Variants in KCNMA1 observed in about 807,000 individuals in gnomAD.
KCNMA1 encodes the protein Calcium-activated potassium channel subunit alpha-1.
A neutral mutation model predicts 140.0 loss-of-function variants in KCNMA1; 29 were observed. The observed-to-expected ratio is 0.21, with a 90% CI of 0.15 to 0.28. The LOEUF is 0.28. KCNMA1 is among the 10% of genes least tolerant of loss of function. The pLI is 1.00. For missense variants in KCNMA1, 880 were observed against 1,602.2 expected (o/e 0.55, Z 7.70); for synonymous variants, 612 against 611.9 (o/e 1.00, Z 0.00).
intron 5 of KCNMA1, among the ~76,000 whole-genome samples, chr10:77,154,082 C>T (rs1045567098): frequency 1.3e-5 from 2 of 152,092 alleles, no homozygotes; most frequent in South Asian, 4.2e-4. Context: ...TTCCCTCATG[C>T]TTTTCTCGTG....
chr10:77,334,246 A>G (rs2087865132), intron 2 of KCNMA1, among the ~76,000 whole-genome samples: 1 of 152,188 alleles, frequency 6.6e-6, no homozygotes, highest in Non-Finnish European at 1.5e-5. Flanking sequence ...GTCCCTAGCA[A>G]GAGTTCACTG....
chr10:76,930,897 A>G (rs1271269397), intron 23 of KCNMA1, among the ~76,000 whole-genome samples: 1 of 152,220 alleles, frequency 6.6e-6, no homozygotes, highest in Non-Finnish European at 1.5e-5. Flanking sequence ...ATAGAAGGAC[A>G]AATACTGTAT....
At chr10:77,529,520 T>C (rs2057007969) in intron 1 of KCNMA1, among the ~76,000 whole-genome samples, 1 of 152,104 alleles carries the variant, frequency 6.6e-6, no homozygotes, top group Non-Finnish European at 1.5e-5. Flanking sequence ...ACCTCAGCTG[T>C]AAGCTTCTTC....
At chr10:77,251,289 G>C (rs1310176569) in intron 2 of KCNMA1, 33 bp from the exon 3 acceptor site, 1 of 1,566,998 alleles carries the variant, frequency 6.4e-7, no homozygotes, top group South Asian at 1.1e-5. Flanking sequence ...CATCACTTAA[G>C]AGTTGGACCT....
At chr10:76,991,192 C>G (rs981308021) in intron 19 of KCNMA1, among the ~76,000 whole-genome samples, 1 of 152,208 alleles carries the variant, frequency 6.6e-6, no homozygotes, top group Non-Finnish European at 1.5e-5. Context: ...GCTGCCCTGA[C>G]TCACACCAAA....
chr10:77,302,137 G>A (rs923402464), intron 2 of KCNMA1, among the ~76,000 whole-genome samples: 1 of 152,092 alleles, frequency 6.6e-6, no homozygotes, highest in Non-Finnish European at 1.5e-5. Context: ...AGGTCACAAA[G>A]ATAGTAAACA....
At chr10:76,958,134 T>G (rs1907740) in intron 20 of KCNMA1, among the ~76,000 whole-genome samples, 70,816 of 151,926 alleles carry the variant, frequency 0.47, 16,968 homozygotes, top group East Asian at 0.62. Flanking sequence ...CCAGAGGAAT[T>G]GGGCCGTTTG....
chr10:77,186,447 G>A (rs910901675), intron 3 of KCNMA1, among the ~76,000 whole-genome samples: 34 of 152,054 alleles, frequency 2.2e-4, no homozygotes, highest in African/African-American at 8.2e-4. Context: ...CATGGAATTT[G>A]GTTAGTCCAA....
intron 1 of KCNMA1, among the ~76,000 whole-genome samples, chr10:77,472,357 C>A (rs1396305553): frequency 6.8e-6 from 1 of 146,532 alleles, no homozygotes; most frequent in Admixed American, 6.9e-5. Flanking sequence ...CATACACACA[C>A]CACACACACA....
rs565613512 is a variant in KCNMA1, at chr10:77,084,487, C to T, written c.1523+150G>A. The T allele has an allele frequency of 9.4e-4, 661 of 705,894 alleles. 1 individual carries two copies. Among genetic ancestry groups the T allele is most frequent in the Non-Finnish European group, 1.5e-3 (577 of 397,412 alleles). 43.7% of individuals were successfully genotyped at this position (705,894 alleles called of 1,614,324 possible). Reference sequence around the variant, plus strand: ...CCCCAACCCACACAGACAGCCTCGGCTCCCCCAGGCCTATGCAGCTGGTGA... The same window carrying T: ...CCCCAACCCACACAGACAGCCTCGGTTCCCCCAGGCCTATGCAGCTGGTGA... On this transcript the variant is annotated intron_variant, in intron 12 of 27. Transcript: ENST00000286628.
intron 2 of KCNMA1, among the ~76,000 whole-genome samples, chr10:77,295,520 G>A (rs962601903): frequency 2.0e-5 from 3 of 151,988 alleles, no homozygotes; most frequent in Admixed American, 6.6e-5. Context: ...GGTGGCTCAC[G>A]CCTGTAATCC....
intron 19 of KCNMA1, chr10:76,974,267 T>C (rs1380304780): frequency 8.5e-5 from 43 of 507,232 alleles, no homozygotes; most frequent in Non-Finnish European, 1.4e-4. Context: ...GACTGAAGTC[T>C]TGCACAAGCT....
intron 1 of KCNMA1, among the ~76,000 whole-genome samples, chr10:77,439,443 G>A (rs3910604): frequency 0.13 from 19,309 of 152,144 alleles, 1,284 homozygotes; most frequent in Middle Eastern, 0.19. Flanking sequence ...GGGAGTATGG[G>A]GGTGGGAAGG....
intron 23 of KCNMA1, among the ~76,000 whole-genome samples, chr10:76,943,054 G>C (rs2062996456): frequency 6.6e-6 from 1 of 152,194 alleles, no homozygotes; most frequent in Non-Finnish European, 1.5e-5. Context: ...CCCATACTGG[G>C]GCAGGGCAGA....
intron 20 of KCNMA1, among the ~76,000 whole-genome samples, chr10:76,968,752 G>C (rs1195877683): frequency 1.3e-5 from 2 of 152,198 alleles, no homozygotes; most frequent in Non-Finnish European, 2.9e-5. Context: ...GAACTTTTAA[G>C]GAAACATTTA....
At chr10:77,197,079 T>TGA (rs989020389) in intron 3 of KCNMA1, among the ~76,000 whole-genome samples, 5 of 152,284 alleles carry the variant, frequency 3.3e-5, no homozygotes, top group Admixed American at 3.3e-4. Flanking sequence ...TACTAATCAA[T>TGA]GATGTTGAAT....
At chr10:77,550,523 C>G (rs1413200055) in intron 1 of KCNMA1, among the ~76,000 whole-genome samples, 1 of 152,144 alleles carries the variant, frequency 6.6e-6, no homozygotes, top group African/African-American at 2.4e-5. Flanking sequence ...GTCAGTGTGC[C>G]TGTCTCAGCT....
At chr10:77,094,059 T>C (rs1437916722) in intron 9 of KCNMA1, among the ~76,000 whole-genome samples, 2 of 152,214 alleles carry the variant, frequency 1.3e-5, no homozygotes, top group Admixed American at 1.3e-4. Flanking sequence ...AAGGAGATGA[T>C]ACATGGAAGG....
chr10:77,384,808 G>C (rs1257147776), intron 2 of KCNMA1, among the ~76,000 whole-genome samples: 1 of 152,156 alleles, frequency 6.6e-6, no homozygotes. Flanking sequence ...TCTCTTTCTG[G>C]AGCCACGTAT....
Sources: gnomAD v4.1 joint callset for allele counts (sites outside exome capture counted in the v4.1 genomes callset) on GRCh38, gnomAD v4.1.1 for gene constraint, MANE v1.5 for transcripts, NCBI Gene and HGNC (gene_info 2026-07-23, HGNC 2026-07-21) for gene names.